Variants in ANK2 observed in about 807,000 individuals in gnomAD.
The protein encoded by ANK2 is ankyrin 2, also known as ankyrin-2.
In ANK2, 83 loss-of-function variants were observed where a neutral mutation model predicts 360.5. That is an observed-to-expected ratio of 0.23 (90% CI 0.19 to 0.28). The LOEUF (loss-of-function observed/expected upper bound fraction) is 0.28. Ranked by LOEUF, ANK2 falls within the 10% of genes least tolerant of loss-of-function variation. The pLI is 1.00. For synonymous variants in ANK2, 1,740 were observed against 1,759.5 expected (o/e 0.99, Z 0.28); for missense variants, 4,201 against 4,795.7 (o/e 0.88, Z 3.66).
At chr4:112,997,500 T>C (rs2048986402) in intron 2 of ANK2, among the ~76,000 whole-genome samples, 1 of 152,138 alleles carries the variant, frequency 6.6e-6, no homozygotes, top group South Asian at 2.1e-4. Flanking sequence ...ACTTTTCAGA[T>C]GCAGAGGTGA....
rs758715591 is a variant in ANK2, at chr4:113,199,057, A to C, written c.332A>C (p.Glu111Ala). ...ATTGCATCTTTGGCTGGACAAGCAG[A>C]AGTTGTCAAAGTTCTTGTTAAGGAA... is the stretch of plus-strand genomic sequence containing the variant. The part of the protein sequence containing the change: ...LHIASLAGQA[E>A]VVKVLVKEGA... The change falls in exon 4 of 46, where the codon GAA becomes GCA. Residue 111 changes from glutamate (E) to alanine (A), a missense_variant. Around this residue, in one of 4 missense-constraint regions of ANK2, gnomAD observed 169 missense variants for 191.1 expected, o/e 0.88. Transcript: ENST00000357077. The C allele has an allele frequency of 1.2e-6, 2 of 1,613,558 alleles. No individual in the cohort carries two copies. Among genetic ancestry groups the C allele is most frequent in the East Asian group, 4.5e-5 (2 of 44,802 alleles).
chr4:113,185,096 C>T (rs1019052403), intron 2 of ANK2, among the ~76,000 whole-genome samples: 55 of 152,182 alleles, frequency 3.6e-4, no homozygotes, highest in African/African-American at 1.3e-3. Context: ...TTCTTTATCC[C>T]GTCTATCATT....
chr4:113,128,902 T>C (rs1442768156), intron 1 of ANK2, among the ~76,000 whole-genome samples: 2 of 152,228 alleles, frequency 1.3e-5, no homozygotes, highest in Admixed American at 6.5e-5. Flanking sequence ...GAAGCAAGGA[T>C]ACTTCAGTAG....
intron 14 of ANK2, among the ~76,000 whole-genome samples, chr4:113,271,455 C>T (rs1167111412): frequency 7.2e-6 from 1 of 138,734 alleles, no homozygotes; most frequent in African/African-American, 2.8e-5. Flanking sequence ...TCTCACCGCA[C>T]GCATGCGTGC....
At chr4:113,188,174 A>G (rs1436554039) in intron 2 of ANK2, among the ~76,000 whole-genome samples, 1 of 152,186 alleles carries the variant, frequency 6.6e-6, no homozygotes, top group Non-Finnish European at 1.5e-5. Context: ...GCTAGCCACA[A>G]ATGATTATTT....
chr4:113,038,843 C>T (rs1318798605), intron 2 of ANK2, among the ~76,000 whole-genome samples: 1 of 152,032 alleles, frequency 6.6e-6, no homozygotes, highest in East Asian at 1.9e-4. Context: ...GAGAGAGCAA[C>T]AAGCACCAAG....
chr4:112,828,571 C>T (rs963665400), intron 1 of ANK2, among the ~76,000 whole-genome samples: 2 of 152,126 alleles, frequency 1.3e-5, no homozygotes, highest in African/African-American at 2.4e-5. Context: ...AACTGTAAAA[C>T]CCCTAGCAGA....
At chr4:112,861,989 A>C (rs1055386978) in intron 1 of ANK2, among the ~76,000 whole-genome samples, 1 of 152,350 alleles carries the variant, frequency 6.6e-6, no homozygotes, top group African/African-American at 2.4e-5. Context: ...TCATGGATTG[A>C]AATCTATAAT....
chr4:112,936,952 T>A (rs111726618), intron 2 of ANK2, among the ~76,000 whole-genome samples: 2,473 of 152,138 alleles, frequency 0.016, 48 homozygotes, highest in African/African-American at 0.047. Context: ...CGTGCCTGGC[T>A]AATTTTTTTA....
chr4:112,775,515 T>A, the ANK2 span, among the ~76,000 whole-genome samples: 1 of 118,156 alleles, frequency 8.5e-6, no homozygotes, highest in African/African-American at 3.2e-5. Flanking sequence ...CTAAGCTCCA[T>A]CACACACACA....
At chr4:113,254,185 T>C (rs2048038794) in intron 10 of ANK2, among the ~76,000 whole-genome samples, 1 of 152,154 alleles carries the variant, frequency 6.6e-6, no homozygotes, top group African/African-American at 2.4e-5. Flanking sequence ...TCGGTGTTTT[T>C]GTTTTCTCCT....
chr4:113,381,427 C>T (rs764075769), intron 45 of ANK2, 30 bp from the exon 46 acceptor site: 14 of 1,612,648 alleles, frequency 8.7e-6, no homozygotes, highest in South Asian at 2.2e-5. Flanking sequence ...GTGAAAAGAG[C>T]GTAATTCTCT....
chr4:113,341,632 AT>A, intron 32 of ANK2, 55 bp from the exon 33 acceptor site: 1 of 1,571,238 alleles, frequency 6.4e-7, no homozygotes, highest in African/African-American at 1.4e-5. Context: ...AACTGATTTT[AT>A]TTTTCACATG....
At chr4:112,819,977 G>A (rs553563666) in intron 1 of ANK2, among the ~76,000 whole-genome samples, 1 of 152,182 alleles carries the variant, frequency 6.6e-6, no homozygotes, top group Non-Finnish European at 1.5e-5. Flanking sequence ...GTGATAAAAC[G>A]ATGCTCATCC....
At chr4:113,053,071 G>A (rs556160690) in intron 1 of ANK2, among the ~76,000 whole-genome samples, 1 of 152,324 alleles carries the variant, frequency 6.6e-6, no homozygotes, top group Admixed American at 6.5e-5. Flanking sequence ...GTTCAGACAT[G>A]ATATGGGAGT....
At chr4:113,223,164 T>C (rs922768738) in intron 4 of ANK2, among the ~76,000 whole-genome samples, 1 of 152,180 alleles carries the variant, frequency 6.6e-6, no homozygotes, top group African/African-American at 2.4e-5. Flanking sequence ...TCTTTCATAA[T>C]GCTAATTCCA....
intron 4 of ANK2, among the ~76,000 whole-genome samples, chr4:113,224,552 T>C (rs2099191630): frequency 6.6e-6 from 1 of 152,208 alleles, no homozygotes. Context: ...TGGTGACATC[T>C]GTTTCAGCTG....
chr4:112,802,807 G>A, the ANK2 span, among the ~76,000 whole-genome samples: 1 of 152,244 alleles, frequency 6.6e-6, no homozygotes, highest in South Asian at 2.1e-4. Flanking sequence ...CAAACTATAT[G>A]GGGCAATCTT....
At chr4:113,086,990 G>A (rs1209777358) in intron 1 of ANK2, among the ~76,000 whole-genome samples, 1 of 152,156 alleles carries the variant, frequency 6.6e-6, no homozygotes, top group Non-Finnish European at 1.5e-5. Context: ...ATTATGTTGG[G>A]TGATAGGAAT....
Sources: gnomAD v4.1 joint callset for allele counts (sites outside exome capture counted in the v4.1 genomes callset) on GRCh38, gnomAD v4.1.1 for gene constraint, gnomAD v4.1.1 regional missense constraint, MANE v1.5 for transcripts, NCBI Gene and HGNC (gene_info 2026-07-23, HGNC 2026-07-21) for gene names.